Variants in LUZP1 observed in about 807,000 individuals in gnomAD.
LUZP1 encodes the protein leucine zipper protein 1.
A neutral mutation model predicts 71.3 loss-of-function variants in LUZP1; 25 were observed. That is an observed-to-expected ratio of 0.35 (90% CI 0.26 to 0.49). LUZP1 has a LOEUF of 0.49. Ranked by LOEUF, LUZP1 falls within the 20% of genes least tolerant of loss-of-function variation. The pLI is 0.99. For missense variants in LUZP1, 1,142 were observed against 1,300.8 expected (o/e 0.88, Z 1.88); for synonymous variants, 481 against 506.4 (o/e 0.95, Z 0.67).
intron 3 of LUZP1, among the ~76,000 whole-genome samples, chr1:23,105,201 T>C (rs971919988): frequency 6.6e-6 from 1 of 152,134 alleles, no homozygotes; most frequent in African/African-American, 2.4e-5. Flanking sequence ...ACCAGGACAG[T>C]AGCAATGGGG....
chr1:23,162,471 C>A (rs1644475622), intron 2 of LUZP1, among the ~76,000 whole-genome samples: 1 of 149,892 alleles, frequency 6.7e-6, no homozygotes, highest in South Asian at 2.1e-4. Flanking sequence ...CGGAGTCTCG[C>A]TCTGTTGCCC....
chr1:23,151,609 T>C (rs1392969180), intron 2 of LUZP1, among the ~76,000 whole-genome samples: 1 of 152,180 alleles, frequency 6.6e-6, no homozygotes, highest in Non-Finnish European at 1.5e-5. Flanking sequence ...TGAGCTTCCA[T>C]TTCCTCACCT....
In LUZP1 at chr1:23,089,103, AC is replaced by A. The variant is rs1488644321; in HGVS notation, c.3073-51del. The A allele has an allele frequency of 1.9e-6, 3 of 1,572,724 alleles. No individual in the cohort carries two copies. The South Asian group carries it at 3.4e-5, about 18-fold the overall frequency. ...AGCTGTGGAGGTCAGTAAAGTGAGGACCGAGACACCCTCACCTGCTACCATA... is the reference window on the plus strand; with the variant it reads ...AGCTGTGGAGGTCAGTAAAGTGAGGACGAGACACCCTCACCTGCTACCATA... On this transcript the variant is annotated intron_variant, in intron 4 of 4. Coordinates refer to ENST00000302291, the Ensembl canonical transcript of LUZP1.
exon 5 of LUZP1, chr1:23,088,944 C>T (rs776971230): frequency 5.4e-5 from 87 of 1,614,036 alleles, no homozygotes; most frequent in East Asian, 2.5e-4. Flanking sequence ...TTCCTCGGCC[C>T]GTACTCGCCC....
At chr1:23,114,442 G>C (rs1423894447) in intron 2 of LUZP1, among the ~76,000 whole-genome samples, 1 of 152,118 alleles carries the variant, frequency 6.6e-6, no homozygotes, top group African/African-American at 2.4e-5. Flanking sequence ...AGGGGGTATG[G>C]GGCTAAGGAA....
chr1:23,147,823 A>G (rs1644355198), intron 2 of LUZP1, among the ~76,000 whole-genome samples: 1 of 152,156 alleles, frequency 6.6e-6, no homozygotes, highest in African/African-American at 2.4e-5. Context: ...TATGTTTTAC[A>G]TTTCACATTT....
At chr1:23,167,148 T>G (rs1030130900) in intron 2 of LUZP1, among the ~76,000 whole-genome samples, 1 of 152,148 alleles carries the variant, frequency 6.6e-6, no homozygotes, top group Non-Finnish European at 1.5e-5. Context: ...CTACCAAAGT[T>G]GCAAACAAGG....
chr1:23,106,179 C>CTAG (rs1643979645), intron 3 of LUZP1, among the ~76,000 whole-genome samples: 1 of 152,152 alleles, frequency 6.6e-6, no homozygotes. Context: ...TTAGTGAACA[C>CTAG]AAGCTGGCTT....
intron 2 of LUZP1, among the ~76,000 whole-genome samples, chr1:23,155,502 G>T (rs928657505): frequency 6.6e-6 from 1 of 152,298 alleles, no homozygotes; most frequent in African/African-American, 2.4e-5. Flanking sequence ...GATAATAATA[G>T]TTATCCTCAT....
At chr1:23,139,296 T>C (rs967214376) in intron 2 of LUZP1, among the ~76,000 whole-genome samples, 7 of 151,916 alleles carry the variant, frequency 4.6e-5, no homozygotes, top group African/African-American at 1.7e-4. Context: ...TCTGATCTTA[T>C]GATATTCAGT....
intron 2 of LUZP1, among the ~76,000 whole-genome samples, chr1:23,152,893 A>T (rs984954116): frequency 1.3e-5 from 2 of 152,042 alleles, no homozygotes; most frequent in Admixed American, 1.3e-4. Context: ...TCTCTACGTT[A>T]TTAAGTCCCA....
At chr1:23,114,823 T>C (rs934752734) in intron 2 of LUZP1, among the ~76,000 whole-genome samples, 1 of 152,206 alleles carries the variant, frequency 6.6e-6, no homozygotes, top group Non-Finnish European at 1.5e-5. Context: ...ACCACAGACA[T>C]TGTTGGACCT....
intron 2 of LUZP1, among the ~76,000 whole-genome samples, chr1:23,139,010 AAAAAAAAAAATATATATAT>A (rs1032332538): frequency 6.8e-5 from 7 of 103,366 alleles, no homozygotes; most frequent in African/African-American, 3.1e-4. Context: ...AAAAAAAAAA[AAAAAAAAAAATATATATAT>A]ATATATATAT....
chr1:23,165,189 T>C (rs985638217), intron 2 of LUZP1, among the ~76,000 whole-genome samples: 15 of 152,128 alleles, frequency 9.9e-5, no homozygotes, highest in African/African-American at 3.6e-4. Flanking sequence ...AGAAACCTCA[T>C]AACATTCCCA....
At chr1:23,160,484 T>C (rs500167) in intron 2 of LUZP1, among the ~76,000 whole-genome samples, 2,459 of 152,320 alleles carry the variant, frequency 0.016, 79 homozygotes, top group African/African-American at 0.056. Context: ...GAGAATCTGC[T>C]TTGTGGCATT....
At chr1:23,177,953 G>C (rs1644593193), upstream of LUZP1, 1 of 152,386 alleles carries the variant, frequency 6.6e-6, no homozygotes, top group Non-Finnish European at 1.5e-5. Context: ...AGCAGGACCG[G>C]CCGGGGGATG....
intron 2 of LUZP1, among the ~76,000 whole-genome samples, chr1:23,153,704 G>A (rs978614842): frequency 6.6e-5 from 10 of 151,958 alleles, no homozygotes; most frequent in African/African-American, 2.2e-4. Flanking sequence ...AGACAGAGTC[G>A]CAGCCAGTCA....
Position 23,092,295 on chromosome 1 carries a change from TTCTC to T in LUZP1, c.1963_1966del (p.Glu655SerfsTer10). 1 of 1,614,230 alleles carries T rather than the reference TTCTC, an allele frequency of 6.2e-7. No individual in the cohort carries two copies. Among genetic ancestry groups the T allele is most frequent in the East Asian group, 2.2e-5 (1 of 44,890 alleles). ...GTCCAAGTCATCATCTGAGTCTGGC[TTCTC>T]TCTGCCACTGGATTTGATGACTCGA... On this transcript the variant is annotated frameshift_variant, in exon 4 of 5. Coordinates refer to ENST00000302291, the Ensembl canonical transcript of LUZP1. LOFTEE classifies it high-confidence loss of function.
intron 2 of LUZP1, among the ~76,000 whole-genome samples, chr1:23,117,514 G>T (rs1188449189): frequency 3.3e-5 from 2 of 61,166 alleles, no homozygotes; most frequent in East Asian, 1.3e-3. Context: ...CCCTGGGGGG[G>T]GGGGCGGGGG....
Sources: allele counts gnomAD v4.1 joint callset (sites outside exome capture counted in the v4.1 genomes callset), GRCh38; gene constraint gnomAD v4.1.1; transcripts MANE v1.5; gene names NCBI Gene and HGNC (gene_info 2026-07-23, HGNC 2026-07-21).